The following ZFYVE26 variants were observed in gnomAD, a reference collection of about 807,000 sequenced individuals.
ZFYVE26 encodes the protein zinc finger FYVE-type containing 26, also known as zinc finger FYVE domain-containing protein 26.
ZFYVE26 carries 181 observed loss-of-function variants against 276.5 expected under a neutral mutation model. The observed-to-expected ratio is 0.65, with a 90% CI of 0.58 to 0.74. ZFYVE26 has a LOEUF of 0.74. Among genes scored for constraint, ZFYVE26 ranks in the 30% least tolerant of loss-of-function variants. The pLI is 0.00. For synonymous variants in ZFYVE26, 1,129 were observed against 1,203.1 expected (o/e 0.94, Z 1.27); for missense variants, 2,821 against 3,097.9 (o/e 0.91, Z 2.12).
At chr14:67,749,193 G>T (rs1344763984) in intron 41 of ZFYVE26, among the ~76,000 whole-genome samples, 1 of 152,144 alleles carries the variant, frequency 6.6e-6, no homozygotes, top group Admixed American at 6.5e-5. Context: ...AACCCTCCCA[G>T]AATGGACACA....
intron 18 of ZFYVE26, 132 bp from the exon 19 acceptor site, chr14:67,785,409 A>T: frequency 1.2e-6 from 1 of 809,730 alleles, no homozygotes; most frequent in East Asian, 2.7e-5. Flanking sequence ...TGGACACTAC[A>T]CTTACAAGGC....
In ZFYVE26 at chr14:67,798,222, A is replaced by G. The variant is rs200651372; in HGVS notation, c.2040T>C (p.Ala680=). ...HFTSGISGFL[A]DEFAIGAFLR... is the part of the protein sequence containing the mutation. ...GGAAGGCCCCTATTGCAAATTCATC[A>G]GCCAGAAATCCACTGATACCACTAG... Residue 680 remains alanine, a synonymous_variant, in exon 11 of 42, where the codon GCT becomes GCC. Coordinates refer to ENST00000347230, the MANE Select transcript of ZFYVE26 (RefSeq NM_015346.4). 5 of 1,614,192 alleles carry G rather than the reference A, an allele frequency of 3.1e-6. No homozygotes were observed. The highest frequency in any genetic ancestry group is 2.2e-5 in the East Asian group (1 of 44,892).
rs10580613 is a variant in ZFYVE26, at chr14:67,809,408, C to CTTTTTTTTTTTT, written c.274-131_274-120dup. 1.3e-4 allele frequency: 26 copies of CTTTTTTTTTTTT among 193,492 alleles called. 1 individual carries two copies. Among genetic ancestry groups the CTTTTTTTTTTTT allele is most frequent in the African/African-American group, 9.2e-4 (25 of 27,178 alleles). 12.0% of individuals were successfully genotyped at this position (193,492 alleles called of 1,614,324 possible). ...TGCTATTTCTCTAAGATGAAGCACT[C>CTTTTTTTTTTTT]TTTTTTTTTTTTTTTTTTTTTTTTT... On this transcript the variant is annotated intron_variant, in intron 3 of 41. Coordinates refer to ENST00000347230, the MANE Select transcript of ZFYVE26 (RefSeq NM_015346.4).
chr14:67,802,044 T>C (rs755120647), intron 10 of ZFYVE26, 35 bp downstream of exon 10: 1 of 1,609,640 alleles, frequency 6.2e-7, no homozygotes, highest in East Asian at 2.2e-5. Context: ...TGTGTTGTTA[T>C]CAGCTTATCT....
chr14:67,797,735 A>G lies in ZFYVE26; in HGVS notation c.2269T>C (p.Tyr757His), dbSNP rs1555399213. Residue 757 changes from tyrosine (Y) to histidine (H), a missense_variant, in exon 12 of 42, where the codon TAC becomes CAC. Tyr to His is a moderately conservative substitution (Grantham distance 83, BLOSUM62 2). Transcript: ENST00000347230. The stretch of plus-strand genomic sequence containing the variant: ...CTGGGGTGACGTGTGGCAGGCTGGT[A>G]TCTTCGGGAAGGTTGCTCCTCTGAA... ...HRSEEQPSRR[Y>H]QPATRHPSLR... is the part of the protein sequence containing the mutation. 6.2e-7 allele frequency: 1 copy of G among 1,614,168 alleles called. No individual in the cohort carries two copies. Among genetic ancestry groups the G allele is most frequent in the African/African-American group, 1.3e-5 (1 of 75,048 alleles).
At chr14:67,745,606 C>T (rs2038473976), downstream of ZFYVE26, among the ~76,000 whole-genome samples, 1 of 151,814 alleles carries the variant, frequency 6.6e-6, no homozygotes, top group Admixed American at 6.6e-5. Context: ...GGCAAGAAAA[C>T]AGTTTAAGCT....
At chr14:67,803,006 C>G (rs1366076838) in intron 9 of ZFYVE26, among the ~76,000 whole-genome samples, 2 of 152,128 alleles carry the variant, frequency 1.3e-5, no homozygotes, top group Admixed American at 1.3e-4. Flanking sequence ...ATATATGCAT[C>G]AACACATCAC....
chr14:67,784,512 GA>G, intron 19 of ZFYVE26, 76 bp from the exon 20 acceptor site: 5 of 1,325,448 alleles, frequency 3.8e-6, no homozygotes, highest in Non-Finnish European at 5.4e-6. Context: ...CCAGAATTGA[GA>G]AAAAAGTACA....
chr14:67,781,270 T>C, intron 22 of ZFYVE26, 63 bp downstream of exon 22: 2 of 1,575,564 alleles, frequency 1.3e-6, no homozygotes, highest in African/African-American at 1.3e-5. Context: ...TCATATAAGA[T>C]AGGTTGGGGT....
At chr14:67,800,234 A>C (rs2040049054) in intron 10 of ZFYVE26, among the ~76,000 whole-genome samples, 1 of 152,184 alleles carries the variant, frequency 6.6e-6, no homozygotes, top group Non-Finnish European at 1.5e-5. Context: ...CCTAGAAAAA[A>C]TGTGAATGGT....
chr14:67,782,400 T>C (rs1594912250), intron 21 of ZFYVE26, among the ~76,000 whole-genome samples: 1 of 152,222 alleles, frequency 6.6e-6, no homozygotes, highest in East Asian at 1.9e-4. Context: ...GACTGTGGCT[T>C]ACAAAGTCCT....
intron 41 of ZFYVE26, chr14:67,750,722 C>T (rs982598651): frequency 2.5e-5 from 10 of 406,980 alleles, no homozygotes; most frequent in Non-Finnish European, 2.8e-5. Context: ...CATCAGTCCA[C>T]CCAAAGATGG....
intron 18 of ZFYVE26, among the ~76,000 whole-genome samples, chr14:67,785,489 G>A (rs1325843857): frequency 6.6e-6 from 1 of 152,192 alleles, no homozygotes; most frequent in East Asian, 1.9e-4. Context: ...AGTCTGGAGT[G>A]TATAAAATTA....
At chr14:67,770,992 G>C (rs2039195583) in intron 28 of ZFYVE26, among the ~76,000 whole-genome samples, 1 of 150,766 alleles carries the variant, frequency 6.6e-6, no homozygotes, top group Non-Finnish European at 1.5e-5. Flanking sequence ...TTTATTTTAG[G>C]TTCAGGGGCA....
At position 67,772,203 on chromosome 14, in the gene ZFYVE26, G is replaced by T. The variant is rs201033152; in HGVS notation, c.5328C>A (p.Ser1776=). 2.5e-6 allele frequency: 4 copies of T among 1,612,736 alleles called. No individual in the cohort carries two copies. The East Asian group carries it at 6.7e-5, about 27-fold the overall frequency. Residue 1776 remains serine, a synonymous_variant, in exon 28 of 42, where the codon TCC becomes TCA. Coordinates refer to ENST00000347230, the MANE Select transcript of ZFYVE26 (RefSeq NM_015346.4). The part of the protein sequence containing the change: ...EFSPAAPPGI[S]SIHSPSLRER... ...CCCTTAGACTAGGGGAATGTATACT[G>T]GAGATACCTGGGAGGCAGAGCCAGA...
At chr14:67,786,539 T>C (rs1356918510) in intron 16 of ZFYVE26, among the ~76,000 whole-genome samples, 1 of 152,242 alleles carries the variant, frequency 6.6e-6, no homozygotes, top group Non-Finnish European at 1.5e-5. Context: ...TCAGTTGTAC[T>C]CAACTTGAGC....
intron 10 of ZFYVE26, among the ~76,000 whole-genome samples, chr14:67,800,927 AAAT>A (rs1566894454): frequency 9.8e-4 from 141 of 144,180 alleles, no homozygotes; most frequent in Middle Eastern, 3.8e-3. Flanking sequence ...GTTACCGTAT[AAAT>A]AAATAAATAA....
intron 28 of ZFYVE26, chr14:67,769,944 T>C (rs1312609960): frequency 7.9e-6 from 5 of 631,548 alleles, no homozygotes; most frequent in Non-Finnish European, 1.4e-5. Context: ...TGCGAAGTCA[T>C]GGAGCTTTGC....
At position 67,766,297 on chromosome 14, in the gene ZFYVE26, G is replaced by A; in HGVS notation, c.5941C>T (p.Gln1981Ter). ...ATCATCTTGGCGCTGAACAGCAGCT[G>A]CTTCATGATGTCCGTGAGCAGCCCG... is the stretch of plus-strand genomic sequence containing the variant. Reference protein sequence around the residue: ...DAGLLTDIMKQLLFSAKMMFV... With the variant: ...DAGLLTDIMK The change falls in exon 32 of 42, where the codon CAG becomes TAG. Residue 1981 changes from glutamine (Q) to a stop codon, truncating the protein, a stop_gained. Transcript: ENST00000347230. LOFTEE classifies it high-confidence loss of function. The A allele has an allele frequency of 1.2e-6, 2 of 1,613,854 alleles. No individual in the cohort carries two copies. Among genetic ancestry groups the A allele is most frequent in the Admixed American group, 1.7e-5 (1 of 60,030 alleles).
Sources: allele counts gnomAD v4.1 joint callset (sites outside exome capture counted in the v4.1 genomes callset), GRCh38; gene constraint gnomAD v4.1.1; transcripts MANE v1.5; gene names NCBI Gene and HGNC (gene_info 2026-07-23, HGNC 2026-07-21).